The following SCLT1 variants were observed in gnomAD, a reference collection of about 807,000 sequenced individuals.
SCLT1 encodes sodium channel and clathrin linker 1, also known as sodium channel-associated protein 1.
SCLT1 carries 78 observed loss-of-function variants against 112.8 expected under a neutral mutation model. That is an observed-to-expected ratio of 0.69 (90% CI 0.58 to 0.83). The LOEUF is 0.83. Among genes scored for constraint, SCLT1 ranks in the 40% least tolerant of loss-of-function variants. SCLT1 has a pLI of 0.00. For missense variants in SCLT1, 747 were observed against 770.4 expected (o/e 0.97, Z 0.36); for synonymous variants, 257 against 254.7 (o/e 1.01, Z -0.09).
chr4:129,061,411 G>A (rs1296760505), intron 2 of SCLT1, among the ~76,000 whole-genome samples: 1 of 152,054 alleles, frequency 6.6e-6, no homozygotes, highest in Non-Finnish European at 1.5e-5. Context: ...GGGTGTTTCA[G>A]CTTAGTCACT....
intron 19 of SCLT1, among the ~76,000 whole-genome samples, chr4:128,890,165 T>TA (rs1733199586): frequency 6.6e-6 from 1 of 152,332 alleles, no homozygotes; most frequent in South Asian, 2.1e-4. Context: ...AGACTTCATA[T>TA]AATGCAACTT....
At chr4:128,965,367 A>G in intron 10 of SCLT1, 49 bp from the exon 11 acceptor site, 2 of 1,062,936 alleles carry the variant, frequency 1.9e-6, no homozygotes, top group Non-Finnish European at 1.5e-6. Context: ...TGAAAATTCA[A>G]TACACCATTA....
intron 5 of SCLT1, 68 bp downstream of exon 5, chr4:129,038,965 ATCAAATAT>A (rs1747432286): frequency 4.5e-6 from 4 of 898,376 alleles, no homozygotes; most frequent in Non-Finnish European, 7.2e-6. Context: ...TACTATAGCT[ATCAAATAT>A]CAAATAACAA....
At chr4:129,087,902 A>G (rs1297621027) in intron 1 of SCLT1, among the ~76,000 whole-genome samples, 1 of 151,872 alleles carries the variant, frequency 6.6e-6, no homozygotes, top group Non-Finnish European at 1.5e-5. Context: ...CCTGGGAAAC[A>G]TAGGGAGACC....
intron 8 of SCLT1, among the ~76,000 whole-genome samples, chr4:128,996,646 C>T (rs1040028046): frequency 6.6e-6 from 1 of 152,012 alleles, no homozygotes; most frequent in Non-Finnish European, 1.5e-5. Context: ...TTTCTTTCAA[C>T]CATTTACTTT....
Position 128,957,114 on chromosome 4 carries a change from T to G in SCLT1, c.1058A>C (p.Glu353Ala). ...ANLQKSQALL[E>A]EKQKEEDIEK... ...TATGTCTTCTTCTTTTTGCTTCTCCTCAAGTAGAGCCTTCAGAAAATAATC... is the reference window on the plus strand; with the variant it reads ...TATGTCTTCTTCTTTTTGCTTCTCCGCAAGTAGAGCCTTCAGAAAATAATC... The change falls in exon 13 of 21, where the codon GAG (glutamate) becomes GCG (alanine). Residue 353 changes from glutamate (E) to alanine (A), a missense_variant. Physicochemically the swap from Glu to Ala is moderately radical, Grantham distance 107 (BLOSUM62 -1). Coordinates refer to ENST00000281142, the MANE Select transcript of SCLT1 (RefSeq NM_144643.4). 6.3e-7 allele frequency: 1 copy of G among 1,576,090 alleles called. No individual in the cohort carries two copies. The highest frequency in any genetic ancestry group is 8.7e-7 in the Non-Finnish European group (1 of 1,151,496).
intron 12 of SCLT1, among the ~76,000 whole-genome samples, chr4:128,958,802 G>A (rs1739432343): frequency 6.6e-6 from 1 of 152,046 alleles, no homozygotes. Flanking sequence ...CCCACAGTTA[G>A]GATTTAGATA....
intron 5 of SCLT1, among the ~76,000 whole-genome samples, chr4:129,028,388 C>G (rs1332050059): frequency 4.6e-5 from 7 of 152,132 alleles, no homozygotes; most frequent in Non-Finnish European, 7.4e-5. Flanking sequence ...CTACAACTAT[C>G]TGATCTTTGA....
At chr4:129,075,908 A>AT (rs1047812623) in intron 2 of SCLT1, among the ~76,000 whole-genome samples, 8 of 152,148 alleles carry the variant, frequency 5.3e-5, no homozygotes, top group African/African-American at 1.9e-4. Flanking sequence ...ACTCCTATAC[A>AT]TTGTACAAGA....
At chr4:129,004,012 A>C in intron 5 of SCLT1, 136 bp from the exon 6 acceptor site, 1 of 747,488 alleles carries the variant, frequency 1.3e-6, no homozygotes, top group Non-Finnish European at 2.2e-6. Context: ...CAAATAAAAA[A>C]TTAGAAGTGT....
chr4:128,977,432 A>G (rs1741274836), intron 9 of SCLT1, among the ~76,000 whole-genome samples: 2 of 152,198 alleles, frequency 1.3e-5, no homozygotes, highest in Admixed American at 1.3e-4. Context: ...GTAAACAAGG[A>G]AGACAAAGCC....
intron 18 of SCLT1, among the ~76,000 whole-genome samples, chr4:128,928,233 C>T (rs906794568): frequency 5.3e-5 from 8 of 151,956 alleles, no homozygotes; most frequent in South Asian, 4.2e-4. Flanking sequence ...GTAAAATATA[C>T]GAGATTACAG....
chr4:128,912,651 AG>A (rs991842335), intron 18 of SCLT1, among the ~76,000 whole-genome samples: 1 of 152,014 alleles, frequency 6.6e-6, no homozygotes, highest in African/African-American at 2.4e-5. Flanking sequence ...TGCAAGTAAA[AG>A]TAAGTACATG....
intron 15 of SCLT1, among the ~76,000 whole-genome samples, chr4:128,947,463 G>A (rs1270041426): frequency 6.6e-6 from 1 of 151,838 alleles, no homozygotes; most frequent in Non-Finnish European, 1.5e-5. Context: ...CTCTTTTACT[G>A]ATGTCATAAT....
At chr4:129,092,129 T>C (rs1452015660) in intron 1 of SCLT1, among the ~76,000 whole-genome samples, 1 of 152,202 alleles carries the variant, frequency 6.6e-6, no homozygotes, top group Non-Finnish European at 1.5e-5. Flanking sequence ...TAAACTACAA[T>C]TTGATCATGC....
intron 12 of SCLT1, 63 bp from the exon 13 acceptor site, chr4:128,957,187 G>A (rs35006492): frequency 0.2 from 191,157 of 976,882 alleles, 22,195 homozygotes; most frequent in African/African-American, 0.49. Flanking sequence ...AATAACAGGT[G>A]AAAACCTATC....
In SCLT1 at chr4:128,914,433, T is replaced by C. The variant is rs529940522; in HGVS notation, c.1829+22222A>G. Among the ~76,000 whole-genome samples, 221 of 152,262 alleles carry C rather than the reference T, an allele frequency of 1.5e-3. 1 individual carries two copies. Among genetic ancestry groups the C allele is most frequent in the African/African-American group, 5.1e-3 (214 of 41,558 alleles). On this transcript the variant is annotated intron_variant, in intron 18 of 20. Coordinates refer to ENST00000281142, the MANE Select transcript of SCLT1 (RefSeq NM_144643.4). Reference sequence around the variant, plus strand: ...AAATCCTTAATGTGATAGATGTTTCTCTAAAATCTTAAATAGAGTAATAAA... The same window carrying C: ...AAATCCTTAATGTGATAGATGTTTCCCTAAAATCTTAAATAGAGTAATAAA...
At chr4:128,992,074 A>C (rs1376815348) in intron 9 of SCLT1, 93 bp downstream of exon 9, 1 of 758,282 alleles carries the variant, frequency 1.3e-6, no homozygotes, top group Non-Finnish European at 2.2e-6. Context: ...AAAGGAAGGC[A>C]AAAAAACACC....
chr4:128,952,673 T>C (rs1359469365), intron 14 of SCLT1, 96 bp downstream of exon 14: 1 of 798,468 alleles, frequency 1.3e-6, no homozygotes, highest in Non-Finnish European at 2.2e-6. Context: ...CTTGGTTTAA[T>C]AAGTATCTTT....
Sources: gnomAD v4.1 joint callset for allele counts (sites outside exome capture counted in the v4.1 genomes callset) on GRCh38, gnomAD v4.1.1 for gene constraint, MANE v1.5 for transcripts, NCBI Gene and HGNC (gene_info 2026-07-23, HGNC 2026-07-21) for gene names.